Variants in VWA5B1 observed in about 807,000 individuals in gnomAD.
The protein encoded by VWA5B1 is von Willebrand factor A domain containing 5B1.
A neutral mutation model predicts 118.2 loss-of-function variants in VWA5B1; 115 were observed. That is an observed-to-expected ratio of 0.97 (90% CI 0.84 to 1.14). The LOEUF (loss-of-function observed/expected upper bound fraction) is 1.14, where lower values mean the gene tolerates loss of function less well. Among genes scored for constraint, VWA5B1 ranks in the 50% most tolerant of loss-of-function variants. The probability of loss-of-function intolerance (pLI) is 0.00; values close to 1 mark genes in which losing one functional copy is unlikely to be tolerated. For synonymous variants in VWA5B1, 682 were observed against 658.4 expected (o/e 1.04, Z -0.55); for missense variants, 1,596 against 1,603.8 (o/e 1.00, Z 0.08).
intron 1 of VWA5B1, 77 bp downstream of exon 1, chr1:20,291,165 A>ACT (rs1553192684): frequency 3.0e-5 from 4 of 134,870 alleles, no homozygotes; most frequent in African/African-American, 3.5e-5. Context: ...GGCATGCATG[A>ACT]GTGTGTGTGT....
chr1:20,350,826 G>T (rs1428312299), intron 19 of VWA5B1, 31 bp from the exon 20 acceptor site: 1 of 1,549,980 alleles, frequency 6.5e-7, no homozygotes, highest in East Asian at 2.4e-5. Context: ...TCATCTTCAG[G>T]TCTCAACTTG....
Position 20,330,925 on chromosome 1 carries a change from C to T in VWA5B1, c.1514C>T (p.Ala505Val), listed in dbSNP as rs1159999805. The T allele has an allele frequency of 3.2e-6, 5 of 1,551,556 alleles. No individual in the cohort carries two copies. Among genetic ancestry groups the T allele is most frequent in the Non-Finnish European group, 3.5e-6 (4 of 1,146,978 alleles). The change falls in exon 11 of 22, where the codon GCA (alanine) becomes GTA (valine). Residue 505 changes from alanine to valine, a missense_variant. Ala to Val is a moderately conservative substitution (Grantham distance 64). Coordinates refer to ENST00000289815, the MANE Select transcript of VWA5B1 (RefSeq NM_001039500.3). Reference protein sequence around the residue: ...NVCHRLVKGLASVSEGSAELL... With the variant: ...NVCHRLVKGLVSVSEGSAELL... ...TGCCACAGACTGGTGAAAGGACTGG[C>T]ATCTGTGTCCGAGGGCAGTGCTGAG... is the stretch of plus-strand genomic sequence containing the variant.
At chr1:20,313,855 G>A (rs1369503482) in intron 3 of VWA5B1, among the ~76,000 whole-genome samples, 1 of 152,190 alleles carries the variant, frequency 6.6e-6, no homozygotes, top group Non-Finnish European at 1.5e-5. Flanking sequence ...GAGAGGTTGT[G>A]ATGATGTTAG....
chr1:20,340,579 A>T lies in VWA5B1; in HGVS notation c.2134-1853A>T, dbSNP rs866438999. On this transcript the variant is annotated intron_variant, in intron 14 of 21. Coordinates refer to ENST00000289815, the MANE Select transcript of VWA5B1 (RefSeq NM_001039500.3). ...CCATGGTTAACTGTTGGCCTAAAAA[A>T]CTGTTACACCTGGTAAGTGTCTTTT... 3.3e-5 allele frequency among the ~76,000 whole-genome samples: 5 copies of T among 152,252 alleles called. No homozygotes were observed. The South Asian group carries it at 8.3e-4, about 25-fold the overall frequency.
intron 5 of VWA5B1, among the ~76,000 whole-genome samples, chr1:20,318,179 C>T (rs1481304089): frequency 6.6e-6 from 1 of 151,754 alleles, no homozygotes; most frequent in East Asian, 1.9e-4. Flanking sequence ...TAAAAGGACA[C>T]TAGGATATGG....
rs1026299868 is a variant in VWA5B1 at position 20,310,888 on chromosome 1, T to G, written c.139+148T>G. 1.2e-5 allele frequency: 14 copies of G among 1,206,654 alleles called. No homozygotes were observed. The Admixed American group carries it at 3.6e-4, about 31-fold the overall frequency. The allele number at this position is 1,206,654 out of a possible 1,614,324, so 74.7% of individuals were successfully genotyped here. A position where few individuals can be genotyped will look rare whatever the true frequency, so the allele number is the denominator to read the frequency against. On this transcript the variant is annotated intron_variant, in intron 2 of 21. Transcript: ENST00000289815. The stretch of plus-strand genomic sequence containing the variant: ...ATCTATAAAATGGTGAGATTCTTTC[T>G]GCTTTGCAGGCCTCAAAGCTAGTAG...
At chr1:20,342,145 G>T (rs1213639044) in intron 14 of VWA5B1, among the ~76,000 whole-genome samples, 1 of 128,018 alleles carries the variant, frequency 7.8e-6, no homozygotes, top group Admixed American at 7.7e-5. Context: ...AAAAAAAAAA[G>T]TGGGTTTGGA....
rs750448438 is a variant in VWA5B1 at position 20,343,122 on chromosome 1, G to A, written c.2355G>A (p.Ser785=). ...CTGCCTTCGAGACAGAGACGTCCTC[G>A]GACTGGGACCCCCCAGCCGAGTCCC... ...HPSAFETETS[S]DWDPPAESQE... Residue 785 remains serine (S), a synonymous_variant, in exon 16 of 22, where the codon TCG becomes TCA. Coordinates refer to ENST00000289815, the MANE Select transcript of VWA5B1 (RefSeq NM_001039500.3). The A allele has an allele frequency of 1.5e-4, 233 of 1,540,064 alleles. No individual in the cohort carries two copies. Among genetic ancestry groups the A allele is most frequent in the Non-Finnish European group, 1.9e-4 (216 of 1,139,498 alleles).
chr1:20,349,543 C>A (rs897061591), intron 18 of VWA5B1, among the ~76,000 whole-genome samples: 3 of 151,924 alleles, frequency 2.0e-5, no homozygotes, highest in African/African-American at 4.8e-5. Flanking sequence ...GCCACCATGC[C>A]CCGCTCATTT....
In VWA5B1 at chr1:20,335,134, C is replaced by A. The variant is rs149265058; in HGVS notation, c.1759-1169C>A. Among the ~76,000 whole-genome samples, 711 of 152,228 alleles carry A rather than the reference C, an allele frequency of 4.7e-3. 3 individuals are homozygous for A. The highest frequency in any genetic ancestry group is 0.014 in the African/African-American group (600 of 41,532). On this transcript the variant is annotated intron_variant, in intron 12 of 21. Transcript: ENST00000289815. ...GACCAGCCTGGGCAACCTAGTGAGA[C>A]CACTTCTCTACAAAATATAAAAATT...
chr1:20,345,269 G>A (rs549377515), intron 16 of VWA5B1, among the ~76,000 whole-genome samples, 187 bp from the exon 17 acceptor site: 64 of 152,310 alleles, frequency 4.2e-4, no homozygotes, highest in African/African-American at 5.8e-4. Context: ...AAATGATGAC[G>A]TGAAATGATG....
chr1:20,306,054 T>C (rs1425357689), intron 1 of VWA5B1, among the ~76,000 whole-genome samples: 2 of 152,162 alleles, frequency 1.3e-5, no homozygotes, highest in Non-Finnish European at 2.9e-5. Context: ...CCTGCCCTTG[T>C]GGAAGGAGGC....
At chr1:20,318,428 G>A (rs1187034320) in intron 5 of VWA5B1, 162 bp from the exon 6 acceptor site, 1 of 960,882 alleles carries the variant, frequency 1.0e-6, no homozygotes, top group East Asian at 2.6e-5. Context: ...TTACAGGTGG[G>A]GAAATTGAGG....
At chr1:20,321,880 G>C (rs1457644085) in intron 7 of VWA5B1, among the ~76,000 whole-genome samples, 2 of 152,168 alleles carry the variant, frequency 1.3e-5, no homozygotes, top group African/African-American at 4.8e-5. Flanking sequence ...AGGCAGGCAG[G>C]GGTCAAGCCA....
chr1:20,310,161 G>C (rs1045102736), intron 1 of VWA5B1, among the ~76,000 whole-genome samples: 2 of 152,120 alleles, frequency 1.3e-5, no homozygotes, highest in African/African-American at 4.8e-5. Context: ...TCATTCTGCA[G>C]AGGCAACATC....
At chr1:20,336,235 G>A in intron 12 of VWA5B1, 68 bp from the exon 13 acceptor site, 1 of 1,269,376 alleles carries the variant, frequency 7.9e-7, no homozygotes, top group Non-Finnish European at 1.0e-6. Flanking sequence ...CACACCCCTT[G>A]CTCCCTGCGG....
In VWA5B1 at chr1:20,350,259, A is replaced by G. The variant is rs1000173985; in HGVS notation, c.2953+29A>G. The G allele has an allele frequency of 1.0e-5, 16 of 1,550,180 alleles. No homozygotes were observed. The African/African-American group carries it at 2.1e-4, about 20-fold the overall frequency. On this transcript the variant is annotated intron_variant, in intron 19 of 21. Transcript: ENST00000289815. The stretch of plus-strand genomic sequence containing the variant: ...AGTGGGCAGGTGGCGCTGCCTCTTC[A>G]TCAAGATGGTGACAGGGATTGGTCC...
Position 20,353,950 on chromosome 1 carries a change from G to A in VWA5B1, c.3335G>A (p.Cys1112Tyr), listed in dbSNP as rs368805787. The A allele has an allele frequency of 1.3e-6, 2 of 1,551,462 alleles. No individual in the cohort carries two copies. The highest frequency in any genetic ancestry group is 1.7e-6 in the Non-Finnish European group (2 of 1,146,894). Residue 1112 changes from cysteine (C) to tyrosine (Y), a missense_variant, in exon 22 of 22, where the codon TGT (cysteine) becomes TAT (tyrosine). By Grantham distance (194) the Cys-to-Tyr change is radical (BLOSUM62 -2). Coordinates refer to ENST00000289815, the MANE Select transcript of VWA5B1 (RefSeq NM_001039500.3). ...AGCTCCCCGCCTAGGCACCCGTCCT[G>A]TGACAGCTTCTCCCTGGAGCCTCTG... ...CTSSPPRHPS[C>Y]DSFSLEPLAK...
chr1:20,296,310 C>T (rs903998459), intron 1 of VWA5B1, among the ~76,000 whole-genome samples: 5 of 152,236 alleles, frequency 3.3e-5, no homozygotes, highest in Non-Finnish European at 5.9e-5. Context: ...CCATCAGTTT[C>T]TCCGTCAGGT....
Sources: gnomAD v4.1 joint callset for allele counts (sites outside exome capture counted in the v4.1 genomes callset) on GRCh38, gnomAD v4.1.1 for gene constraint, MANE v1.5 for transcripts, NCBI Gene and HGNC (gene_info 2026-07-23, HGNC 2026-07-21) for gene names.